UBE2D1: variants seen among roughly 807,000 people sequenced by gnomAD.
The protein encoded by UBE2D1 is ubiquitin conjugating enzyme E2 D1.
A neutral mutation model predicts 24.6 loss-of-function variants in UBE2D1; 9 were observed. The ratio of observed to expected loss-of-function variants is 0.37; its 90% CI spans 0.22 to 0.64. UBE2D1 has a LOEUF of 0.64. Among genes scored for constraint, UBE2D1 ranks in the 30% least tolerant of loss-of-function variants. The pLI, the probability that UBE2D1 is intolerant of heterozygous loss-of-function variation, is 0.64. For missense variants in UBE2D1, 87 were observed against 177.1 expected, an observed-to-expected ratio of 0.49 and a Z score of 2.89; for synonymous variants, 57 against 57.6, an observed-to-expected ratio of 0.99 and a Z score of 0.04.
At chr10:58,344,830 A>T (rs953488134) in intron 1 of UBE2D1, among the ~76,000 whole-genome samples, 1 of 150,086 alleles carries the variant, frequency 6.7e-6, no homozygotes, top group Non-Finnish European at 1.5e-5. Context: ...ACTGCCATAC[A>T]CAGCTGCACA....
chr10:58,335,026 G>A lies in UBE2D1; in HGVS notation c.-176G>A, dbSNP rs1839883599. 1 of 600,896 alleles carries A rather than the reference G, an allele frequency of 1.7e-6. No homozygotes were observed. Among genetic ancestry groups the A allele is most frequent in the Non-Finnish European group, 2.8e-6 (1 of 362,698 alleles). 37.2% of individuals were successfully genotyped at this position (600,896 alleles called of 1,614,324 possible). On this transcript the variant is annotated 5_prime_UTR_variant, in exon 1 of 7. Coordinates refer to ENST00000373910, the MANE Select transcript of UBE2D1 (RefSeq NM_003338.5). ...CGCCCGCACACTCGCGCACACTCGC[G>A]CTCGGGCGCACACGGAGCAGGGACC...
intron 1 of UBE2D1, among the ~76,000 whole-genome samples, chr10:58,348,391 T>C (rs1201212500): frequency 6.6e-6 from 1 of 152,212 alleles, no homozygotes; most frequent in African/African-American, 2.4e-5. Flanking sequence ...AGCTTATATA[T>C]CCTTTTAGAG....
At chr10:58,345,474 A>G (rs944982261) in intron 1 of UBE2D1, among the ~76,000 whole-genome samples, 6 of 152,112 alleles carry the variant, frequency 3.9e-5, no homozygotes, top group Non-Finnish European at 8.8e-5. Flanking sequence ...CCCTGTCTCA[A>G]AAGATTCAAG....
At chr10:58,367,298 C>T (rs1315149373) in intron 5 of UBE2D1, among the ~76,000 whole-genome samples, 7 of 143,366 alleles carry the variant, frequency 4.9e-5, no homozygotes, top group Admixed American at 4.0e-4. Context: ...ATACTTAGAT[C>T]GTTAGTGTGT....
At chr10:58,360,261 A>G (rs777048296) in intron 1 of UBE2D1, among the ~76,000 whole-genome samples, 5 of 152,178 alleles carry the variant, frequency 3.3e-5, no homozygotes, top group African/African-American at 4.8e-5. Flanking sequence ...AGAGATGATT[A>G]TTGATCTTCC....
At chr10:58,350,143 G>A (rs374301177) in intron 1 of UBE2D1, among the ~76,000 whole-genome samples, 9 of 152,254 alleles carry the variant, frequency 5.9e-5, no homozygotes, top group African/African-American at 1.7e-4. Context: ...TCACTTTTCT[G>A]TTGGGTATAT....
intron 3 of UBE2D1, among the ~76,000 whole-genome samples, chr10:58,363,335 G>A (rs1261140578): frequency 6.6e-6 from 1 of 152,112 alleles, no homozygotes; most frequent in African/African-American, 2.4e-5. Flanking sequence ...TCACAGCACT[G>A]TGTGTGTCCT....
intron 1 of UBE2D1, chr10:58,360,912 A>T: frequency 2.2e-6 from 1 of 448,182 alleles, no homozygotes. Flanking sequence ...ACAAAGTGAG[A>T]TCCTGTCTCA....
At chr10:58,348,735 A>G (rs936175638) in intron 1 of UBE2D1, among the ~76,000 whole-genome samples, 1 of 152,214 alleles carries the variant, frequency 6.6e-6, no homozygotes, top group Admixed American at 6.5e-5. Flanking sequence ...CGTCATATTA[A>G]GTTTTATGGT....
intron 1 of UBE2D1, among the ~76,000 whole-genome samples, chr10:58,347,286 A>C (rs764205589): frequency 2.0e-5 from 3 of 152,222 alleles, no homozygotes; most frequent in Non-Finnish European, 4.4e-5. Context: ...GAAGAATTAG[A>C]TGGTAACTCC....
At chr10:58,352,020 C>A (rs767580010) in intron 1 of UBE2D1, among the ~76,000 whole-genome samples, 1 of 152,040 alleles carries the variant, frequency 6.6e-6, no homozygotes, top group South Asian at 2.1e-4. Flanking sequence ...CATATGGATA[C>A]CTAATTGACC....
intron 1 of UBE2D1, among the ~76,000 whole-genome samples, chr10:58,353,798 T>G (rs1355395596): frequency 6.6e-6 from 1 of 152,232 alleles, no homozygotes; most frequent in Admixed American, 6.5e-5. Context: ...GTATGCAATC[T>G]GCATATCTAT....
chr10:58,358,556 A>G (rs540195056), intron 1 of UBE2D1, among the ~76,000 whole-genome samples: 1 of 152,270 alleles, frequency 6.6e-6, no homozygotes, highest in African/African-American at 2.4e-5. Context: ...TGTACACTTG[A>G]CATGTATCAT....
intron 1 of UBE2D1, among the ~76,000 whole-genome samples, chr10:58,349,459 C>T (rs1840049706): frequency 6.6e-6 from 1 of 152,092 alleles, no homozygotes; most frequent in African/African-American, 2.4e-5. Flanking sequence ...GATTAAAAGT[C>T]ACTGGAAATG....
At chr10:58,356,748 T>C (rs1428512098) in intron 1 of UBE2D1, among the ~76,000 whole-genome samples, 1 of 152,190 alleles carries the variant, frequency 6.6e-6, no homozygotes, top group African/African-American at 2.4e-5. Flanking sequence ...TAATTGACAA[T>C]GGTTTGGTCC....
chr10:58,336,602 G>A (rs1839906016), intron 1 of UBE2D1, among the ~76,000 whole-genome samples: 1 of 152,134 alleles, frequency 6.6e-6, no homozygotes, highest in South Asian at 2.1e-4. Context: ...AAGTAATAAT[G>A]TTTTCTTGTT....
chr10:58,347,639 C>CTTT (rs774396274), intron 1 of UBE2D1, among the ~76,000 whole-genome samples: 3,965 of 116,150 alleles, frequency 0.034, 143 homozygotes, highest in African/African-American at 0.085. Context: ...AAATTACACT[C>CTTT]TTTTTTTTTT....
intron 1 of UBE2D1, among the ~76,000 whole-genome samples, chr10:58,353,508 A>G (rs913072823): frequency 4.6e-5 from 7 of 152,182 alleles, no homozygotes; most frequent in African/African-American, 1.2e-4. Flanking sequence ...AAGTAGGTCA[A>G]TACCATCCTA....
intron 1 of UBE2D1, among the ~76,000 whole-genome samples, chr10:58,353,754 C>G (rs1840101575): frequency 6.6e-6 from 1 of 152,062 alleles, no homozygotes; most frequent in Admixed American, 6.6e-5. Flanking sequence ...TTCAAGTGAC[C>G]TGCACTATTC....
Sources: allele counts gnomAD v4.1 joint callset (sites outside exome capture counted in the v4.1 genomes callset), GRCh38; gene constraint gnomAD v4.1.1; transcripts MANE v1.5; gene names NCBI Gene and HGNC (gene_info 2026-07-23, HGNC 2026-07-21).